Variants in LGALS9B observed in about 807,000 individuals in gnomAD.
LGALS9B encodes the protein galectin-9B.
Under a neutral mutation model 35.9 loss-of-function variants are expected in LGALS9B, and 8 were observed. The ratio of observed to expected loss-of-function variants is 0.22; its 90% CI spans 0.13 to 0.40. The LOEUF (loss-of-function observed/expected upper bound fraction) is 0.40, where lower values mean the gene tolerates loss of function less well. Among genes scored for constraint, LGALS9B ranks in the 10% least tolerant of loss-of-function variants. The pLI is 1.00. For missense variants in LGALS9B, 101 were observed against 397.9 expected (o/e 0.25, Z 6.35); for synonymous variants, 42 against 148.6 (o/e 0.28, Z 5.22).
chr17:20,463,261 C>T (rs2042739162), intron 1 of LGALS9B, among the ~76,000 whole-genome samples: 1 of 143,100 alleles, frequency 7.0e-6, no homozygotes, highest in South Asian at 2.3e-4. Context: ...TCACTGCAGC[C>T]TCCACCTCCT....
rs59320210 is a variant in LGALS9B at position 20,464,093 on chromosome 17, GTTTTT to G, written c.39+3334_39+3338del. ...GGGGTTTTGTTTGTTTGTTTGTTGT[GTTTTT>G]TTTTTTTTTTTTTTTTTGAGACAGG... is the stretch of plus-strand genomic sequence containing the variant. On this transcript the variant is annotated intron_variant, in intron 1 of 10. Transcript: ENST00000423676. Among the ~76,000 whole-genome samples, 474 of 89,632 alleles carry G rather than the reference GTTTTT, an allele frequency of 5.3e-3. 4 individuals are homozygous for G. Among genetic ancestry groups the G allele is most frequent in the African/African-American group, 0.021 (389 of 18,322 alleles). 58.8% of individuals were successfully genotyped at this position (89,632 alleles called of 152,430 possible).
At chr17:20,456,338 GAA>G (rs1321233425) in intron 4 of LGALS9B, among the ~76,000 whole-genome samples, 2 of 107,760 alleles carry the variant, frequency 1.9e-5, no homozygotes, top group Non-Finnish European at 3.8e-5. Flanking sequence ...CGGATGAAGA[GAA>G]AGGGGCAGCT....
rs376358227 is a variant in LGALS9B at position 20,453,047 on chromosome 17, C to T, written c.597G>A (p.Thr199=). 4.9e-5 allele frequency: 69 copies of T among 1,397,272 alleles called. 11 individuals carry two copies. In the East Asian group the frequency reaches 1.1e-3, roughly 21 times the overall value. The allele number at this position is 1,397,272 out of a possible 1,614,324, so 86.6% of individuals were successfully genotyped here. A position where few individuals can be genotyped will look rare whatever the true frequency, so the allele number is the denominator to read the frequency against. The part of the protein sequence containing the change: ...PAPITQTVIH[T]VQSASGQMFS... ...ACATCTGTCCAGAGGCGCTCTGCAC[C>T]GTGTGGATGACTGTCTGGGTCTGGA... The change falls in exon 7 of 11, where the codon ACG becomes ACA. Residue 199 remains threonine, a synonymous_variant. Transcript: ENST00000423676.
intron 10 of LGALS9B, 92 bp from the exon 11 acceptor site, chr17:20,450,211 T>G: frequency 4.1e-6 from 2 of 483,200 alleles, no homozygotes; most frequent in East Asian, 2.9e-5. Context: ...CCTCCTCAGT[T>G]GTTAATAAGC....
rs566065857 is a variant in LGALS9B, at chr17:20,456,227, T to C, written c.444+334A>G. On this transcript the variant is annotated intron_variant, in intron 4 of 10. Coordinates refer to ENST00000423676, the MANE Select transcript of LGALS9B (RefSeq NM_001367292.2). ...AGTTGCTTGTCTAAGATCCCACAGA[T>C]GACGAATGGCAGAGCTGGGAATTTG... 2.5e-3 allele frequency among the ~76,000 whole-genome samples: 378 copies of C among 151,294 alleles called. 3 individuals carry two copies. The highest frequency in any genetic ancestry group is 0.017 in the Middle Eastern group (5 of 294).
chr17:20,461,116 A>G (rs2042726406), intron 1 of LGALS9B, among the ~76,000 whole-genome samples: 1 of 145,178 alleles, frequency 6.9e-6, no homozygotes, highest in Non-Finnish European at 1.5e-5. Flanking sequence ...CCCCGTGGGC[A>G]AGCACTTTGT....
rs1411701282 is a variant in LGALS9B at position 20,462,290 on chromosome 17, C to G, written c.40-1847G>C. 4.3e-5 allele frequency among the ~76,000 whole-genome samples: 2 copies of G among 47,004 alleles called. 1 individual carries two copies. The highest frequency in any genetic ancestry group is 1.0e-4 in the Non-Finnish European group (2 of 19,980). 30.8% of individuals were successfully genotyped at this position (47,004 alleles called of 152,430 possible). Reference sequence around the variant, plus strand: ...AAGCGAGGGAGGGTACAGGATGAAGCAAGATAGGCCTGAGTTGATCATTGT... The same window carrying G: ...AAGCGAGGGAGGGTACAGGATGAAGGAAGATAGGCCTGAGTTGATCATTGT... On this transcript the variant is annotated intron_variant, in intron 1 of 10. Coordinates refer to ENST00000423676, the MANE Select transcript of LGALS9B (RefSeq NM_001367292.2).
At chr17:20,454,438 AC>A (rs1289320164) in intron 5 of LGALS9B, among the ~76,000 whole-genome samples, 2 of 151,994 alleles carry the variant, frequency 1.3e-5, no homozygotes, top group Non-Finnish European at 2.9e-5. Context: ...ACCACATTCC[AC>A]ATTCATCCAT....
intron 5 of LGALS9B, among the ~76,000 whole-genome samples, chr17:20,454,475 G>T (rs538506439): frequency 6.6e-6 from 1 of 152,276 alleles, no homozygotes; most frequent in Admixed American, 6.5e-5. Context: ...TGAGTGCCAG[G>T]CACTGTGCAA....
At chr17:20,463,994 G>T (rs1445019184) in intron 1 of LGALS9B, among the ~76,000 whole-genome samples, 1 of 151,674 alleles carries the variant, frequency 6.6e-6, no homozygotes. Context: ...AATCACAAAG[G>T]TCCTATAAAA....
chr17:20,454,849 T>G (rs2042675601), intron 5 of LGALS9B, among the ~76,000 whole-genome samples: 1 of 150,248 alleles, frequency 6.7e-6, no homozygotes, highest in East Asian at 2.0e-4. Flanking sequence ...GGCAAGGAGG[T>G]GGACTGGGGC....
chr17:20,467,191 C>G lies in LGALS9B; in HGVS notation c.39+241G>C, dbSNP rs145666696. The stretch of plus-strand genomic sequence containing the variant: ...TCCCCTGAGCGCACAGGACAGGACA[C>G]GACAGCTCAGCCAACACTGTCAAAC... On this transcript the variant is annotated intron_variant, in intron 1 of 10. Coordinates refer to ENST00000423676, the MANE Select transcript of LGALS9B (RefSeq NM_001367292.2). Among the ~76,000 whole-genome samples, 485 of 138,834 alleles carry G rather than the reference C, an allele frequency of 3.5e-3. 13 individuals are homozygous for G. The highest frequency in any genetic ancestry group is 3.7e-3 in the Non-Finnish European group (235 of 63,234). 91.1% of individuals were successfully genotyped at this position (138,834 alleles called of 152,430 possible). A position where few individuals can be genotyped will look rare whatever the true frequency, so the allele number is the denominator to read the frequency against.
chr17:20,451,355 CT>C, intron 10 of LGALS9B, 125 bp downstream of exon 10: 2 of 522,876 alleles, frequency 3.8e-6, no homozygotes, highest in Non-Finnish European at 3.1e-6. Context: ...TTTTGGCCAC[CT>C]TTTCTTCTGG....
chr17:20,451,041 C>T (rs1286319019), intron 10 of LGALS9B, among the ~76,000 whole-genome samples: 28 of 151,484 alleles, frequency 1.8e-4, no homozygotes, highest in Non-Finnish European at 3.5e-4. Flanking sequence ...GCTTTAGTTT[C>T]CTTGTTCCTT....
intron 1 of LGALS9B, among the ~76,000 whole-genome samples, chr17:20,461,998 A>T: frequency 3.7e-5 from 1 of 26,722 alleles, no homozygotes; most frequent in African/African-American, 1.3e-4. Flanking sequence ...CTCTACAAAA[A>T]ATAAAAAAAT....
chr17:20,459,054 C>T (rs1160740711), intron 2 of LGALS9B, among the ~76,000 whole-genome samples: 1 of 151,750 alleles, frequency 6.6e-6, no homozygotes. Flanking sequence ...GAAGTCGAGG[C>T]TGCAGTGAGC....
chr17:20,460,236 C>T (rs1309364660), intron 2 of LGALS9B, 116 bp downstream of exon 2: 32 of 1,571,768 alleles, frequency 2.0e-5, no homozygotes, highest in Non-Finnish European at 2.7e-5. Context: ...TGGGTCTCCC[C>T]TGCGCCAGGC....
Position 20,451,605 on chromosome 17 carries a change from A to C in LGALS9B, c.800T>G (p.Phe267Cys), listed in dbSNP as rs2042649550. 11 of 1,598,212 alleles carry C rather than the reference A, an allele frequency of 6.9e-6. No individual in the cohort carries two copies. Among genetic ancestry groups the C allele is most frequent in the African/African-American group, 1.4e-5 (1 of 71,976 alleles). The change falls in exon 10 of 11, where the codon TTC (phenylalanine) becomes TGC (cysteine). Residue 267 changes from phenylalanine (F) to cysteine (C), a missense_variant. By Grantham distance (205) the Phe-to-Cys change is radical. Coordinates refer to ENST00000423676, the MANE Select transcript of LGALS9B (RefSeq NM_001367292.2). ...INLCSGSHIA[F>C]HMNPRFDENA... The stretch of plus-strand genomic sequence containing the variant: ...CTCATCAAAACGGGGGTTCATGTGG[A>C]AGGCGATGTGGCTCCCAGAGCACAG...
At chr17:20,467,003 G>A in intron 1 of LGALS9B, among the ~76,000 whole-genome samples, 2 of 141,150 alleles carry the variant, frequency 1.4e-5, no homozygotes, top group African/African-American at 5.7e-5. Context: ...CCACTTCACA[G>A]ATATGGAAAC....
Sources: allele counts gnomAD v4.1 joint callset (sites outside exome capture counted in the v4.1 genomes callset), GRCh38; gene constraint gnomAD v4.1.1; transcripts MANE v1.5; gene names NCBI Gene and HGNC (gene_info 2026-07-23, HGNC 2026-07-21).